ADAMTSL1: variants seen among roughly 807,000 people sequenced by gnomAD.
ADAMTSL1 encodes the protein ADAMTS like 1.
Under a neutral mutation model 201.8 loss-of-function variants are expected in ADAMTSL1, and 126 were observed. That is an observed-to-expected ratio of 0.62 (90% confidence interval 0.54 to 0.72). ADAMTSL1 has a LOEUF of 0.72. ADAMTSL1 is among the 30% of genes least tolerant of loss of function. ADAMTSL1 has a pLI of 0.00. For missense variants in ADAMTSL1, 2,679 were observed against 2,277.8 expected (o/e 1.18, Z -3.59); for synonymous variants, 1,121 against 903.4 (o/e 1.24, Z -4.32).
At chr9:18,906,539 A>G (rs1267675962) in intron 27 of ADAMTSL1, among the ~76,000 whole-genome samples, 153 bp from the exon 28 acceptor site, 2 of 152,208 alleles carry the variant, frequency 1.3e-5, no homozygotes, top group Non-Finnish European at 2.9e-5. Flanking sequence ...ATGGCCTTTT[A>G]GTAACAGCAC....
chr9:18,411,373 T>G (rs28606538), intron 2 of ADAMTSL1, among the ~76,000 whole-genome samples: 1 of 151,448 alleles, frequency 6.6e-6, no homozygotes, highest in African/African-American at 2.4e-5. Context: ...CTAATTTTTG[T>G]TTTTTTATAG....
chr9:18,565,499 G>T (rs1307992060), intron 3 of ADAMTSL1, among the ~76,000 whole-genome samples: 1 of 149,080 alleles, frequency 6.7e-6, no homozygotes, highest in East Asian at 2.0e-4. Context: ...AAGAACAAAA[G>T]CAAGGAGTTT....
chr9:18,060,216 C>G (rs189103898), intron 1 of ADAMTSL1, among the ~76,000 whole-genome samples: 2 of 152,266 alleles, frequency 1.3e-5, no homozygotes, highest in Non-Finnish European at 1.5e-5. Flanking sequence ...ATATACCCTA[C>G]TTTGTACTGG....
intron 9 of ADAMTSL1, among the ~76,000 whole-genome samples, chr9:18,667,240 A>G (rs1353671628): frequency 1.4e-5 from 2 of 140,744 alleles, no homozygotes; most frequent in Non-Finnish European, 3.1e-5. Context: ...GTCCAGCTCC[A>G]TTTAGTTTCA....
intron 1 of ADAMTSL1, among the ~76,000 whole-genome samples, chr9:17,923,259 C>G (rs531479368): frequency 6.6e-6 from 1 of 150,436 alleles, no homozygotes; most frequent in Admixed American, 6.6e-5. Context: ...GATATTGATT[C>G]TTCCTACCCA....
At chr9:18,882,273 T>G (rs997221411) in intron 23 of ADAMTSL1, among the ~76,000 whole-genome samples, 1 of 152,152 alleles carries the variant, frequency 6.6e-6, no homozygotes, top group Admixed American at 6.5e-5. Context: ...TAAAATCTCA[T>G]CAGCCTCACC....
chr9:18,067,938 C>T (rs909668588), intron 1 of ADAMTSL1, among the ~76,000 whole-genome samples: 4 of 152,188 alleles, frequency 2.6e-5, no homozygotes, highest in African/African-American at 9.6e-5. Context: ...TGACAGTGAG[C>T]ACAGAGGATT....
chr9:18,627,309 C>T (rs927774319), intron 5 of ADAMTSL1, among the ~76,000 whole-genome samples: 2 of 152,156 alleles, frequency 1.3e-5, no homozygotes, highest in African/African-American at 2.4e-5. Context: ...CCATTCTTAT[C>T]AGTGAGTAGT....
chr9:18,163,160 A>T (rs1827475218), intron 1 of ADAMTSL1, among the ~76,000 whole-genome samples: 1 of 152,000 alleles, frequency 6.6e-6, no homozygotes, highest in African/African-American at 2.4e-5. Context: ...AGAGTTTTAG[A>T]GTTAGACCTG....
chr9:17,913,775 C>A (rs748902059), intron 1 of ADAMTSL1, among the ~76,000 whole-genome samples: 1 of 150,272 alleles, frequency 6.7e-6, no homozygotes, highest in Non-Finnish European at 1.5e-5. Flanking sequence ...AGACCGCTAG[C>A]GAGACTAATA....
chr9:18,321,806 C>G (rs1461187287), intron 2 of ADAMTSL1, among the ~76,000 whole-genome samples: 2 of 151,878 alleles, frequency 1.3e-5, no homozygotes, highest in Admixed American at 6.6e-5. Flanking sequence ...AAAACCAAAA[C>G]AAAACAAAAC....
At chr9:18,268,149 A>G (rs1401175035) in intron 2 of ADAMTSL1, among the ~76,000 whole-genome samples, 1 of 152,198 alleles carries the variant, frequency 6.6e-6, no homozygotes, top group Non-Finnish European at 1.5e-5. Context: ...CTATATGTTT[A>G]GAATGCAATT....
chr9:18,512,152 T>G (rs74498792), intron 2 of ADAMTSL1, among the ~76,000 whole-genome samples: 1 of 152,204 alleles, frequency 6.6e-6, no homozygotes, highest in Non-Finnish European at 1.5e-5. Context: ...AGTTTGCAGT[T>G]GCCTTCCTTT....
At chr9:17,978,417 T>C (rs911509184) in intron 1 of ADAMTSL1, among the ~76,000 whole-genome samples, 2 of 152,098 alleles carry the variant, frequency 1.3e-5, no homozygotes, top group African/African-American at 4.8e-5. Context: ...TTTTCTGTTG[T>C]GGTATTATTC....
chr9:17,960,195 T>A (rs1423100409), intron 1 of ADAMTSL1, among the ~76,000 whole-genome samples: 1 of 152,112 alleles, frequency 6.6e-6, no homozygotes, highest in Non-Finnish European at 1.5e-5. Flanking sequence ...GCACACTTCA[T>A]TCAGTAAGAA....
intron 16 of ADAMTSL1, among the ~76,000 whole-genome samples, chr9:18,765,793 T>C (rs1820322744): frequency 1.3e-5 from 2 of 152,188 alleles, no homozygotes. Flanking sequence ...GCTAATGGTC[T>C]AAATGGGTGA....
chr9:18,325,758 T>TTG (rs1563888308), intron 2 of ADAMTSL1, among the ~76,000 whole-genome samples: 4 of 151,792 alleles, frequency 2.6e-5, no homozygotes, highest in African/African-American at 9.7e-5. Flanking sequence ...TTTTTTTTTT[T>TTG]GAAACAGAGT....
At chr9:18,000,641 C>T (rs1032028909) in intron 1 of ADAMTSL1, among the ~76,000 whole-genome samples, 9 of 151,998 alleles carry the variant, frequency 5.9e-5, no homozygotes, top group Non-Finnish European at 8.8e-5. Flanking sequence ...ATTCACTTAG[C>T]GGATGTTTAA....
chr9:18,125,871 C>A (rs1470689342), intron 1 of ADAMTSL1, among the ~76,000 whole-genome samples: 1 of 152,172 alleles, frequency 6.6e-6, no homozygotes, highest in Non-Finnish European at 1.5e-5. Context: ...AGGACTAAAT[C>A]TGGCAGTATG....
Sources: gnomAD v4.1 joint callset for allele counts (sites outside exome capture counted in the v4.1 genomes callset) on GRCh38, gnomAD v4.1.1 for gene constraint, MANE v1.5 for transcripts, NCBI Gene and HGNC (gene_info 2026-07-23, HGNC 2026-07-21) for gene names.